Variants in CDH3 observed in about 807,000 individuals in gnomAD.
CDH3 encodes cadherin 3, also known as cadherin-3.
A neutral mutation model predicts 82.0 loss-of-function variants in CDH3; 54 were observed. The ratio of observed to expected loss-of-function variants is 0.66; its 90% CI spans 0.53 to 0.83. The LOEUF (loss-of-function observed/expected upper bound fraction) is 0.83. Among genes scored for constraint, CDH3 ranks in the 40% least tolerant of loss-of-function variants. CDH3 has a pLI of 0.00. For synonymous variants in CDH3, 446 were observed against 437.9 expected, an observed-to-expected ratio of 1.02 and a Z score of -0.23; for missense variants, 1,054 against 1,084.6, an observed-to-expected ratio of 0.97 and a Z score of 0.40.
At chr16:68,713,497 C>G (rs1427054978) in intron 1 of CDH3, among the ~76,000 whole-genome samples, 5 of 152,088 alleles carry the variant, frequency 3.3e-5, no homozygotes, top group African/African-American at 1.2e-4. Flanking sequence ...CCCACCTCCC[C>G]TGACCTAGGC....
chr16:68,698,350 A>G lies in CDH3; in HGVS notation c.2440A>G (p.Ser814Gly). 1 of 1,614,242 alleles carries G rather than the reference A, an allele frequency of 6.2e-7. No individual in the cohort carries two copies. Among genetic ancestry groups the G allele is most frequent in the South Asian group, 1.1e-5 (1 of 91,092 alleles). The change falls in exon 16 of 16, where the codon AGC becomes GGC. Residue 814 changes from serine (S) to glycine (G), a missense_variant. Coordinates refer to ENST00000264012, the MANE Select transcript of CDH3 (RefSeq NM_001793.6). ...QDYDYLNEWG[S>G]RFKKLADMYG... is the part of the protein sequence containing the mutation. ...TTACGATTATCTGAACGAGTGGGGCAGCCGCTTCAAGAAGCTGGCAGACAT... is the reference window on the plus strand; with the variant it reads ...TTACGATTATCTGAACGAGTGGGGCGGCCGCTTCAAGAAGCTGGCAGACAT...
intron 2 of CDH3, among the ~76,000 whole-genome samples, chr16:68,724,615 G>A (rs996153568): frequency 2.1e-4 from 26 of 124,384 alleles, no homozygotes; most frequent in Non-Finnish European, 1.6e-4. Flanking sequence ...CAACAGAGGC[G>A]AGACCCTATT....
intron 2 of CDH3, among the ~76,000 whole-genome samples, chr16:68,724,933 T>A (rs1294020537): frequency 6.6e-6 from 1 of 152,134 alleles, no homozygotes; most frequent in Non-Finnish European, 1.5e-5. Flanking sequence ...GAGGGTTGGT[T>A]GGGGAAGGGT....
downstream of CDH3, among the ~76,000 whole-genome samples, chr16:68,701,391 G>A (rs1961891234): frequency 6.6e-6 from 1 of 152,118 alleles, no homozygotes; most frequent in South Asian, 2.1e-4. Flanking sequence ...CATTTGCATT[G>A]GTAAGACACC....
Position 68,682,316 on chromosome 16 carries a change from G to C in CDH3, c.1011G>C (p.Val337=), listed in dbSNP as rs201726457. The part of the protein sequence containing the change: ...MFDPQKYEAH[V]PENAVGHEVQ... ...CACACTGACAGTACGAGGCCCATGT[G>C]CCTGAGAATGCAGTGGGCCATGAGG... Residue 337 remains valine (V), a synonymous_variant, in exon 9 of 16, where the codon GTG becomes GTC. Transcript: ENST00000264012. 6.9e-5 allele frequency: 111 copies of C among 1,613,842 alleles called. 1 individual carries two copies. In the Middle Eastern group the frequency reaches 2.5e-3, roughly 36 times the overall value.
chr16:68,707,961 G>A lies in CDH3; in HGVS notation c.99+12038G>A, dbSNP rs574704886. On this transcript the variant is annotated intron_variant, in intron 1 of 2. Transcript: ENST00000569080. This position sits in a 1 kb window ranked among gnomAD's most constrained non-coding sequence, Gnocchi z 4.5. ...GGCCAGCCCACAGCTGACAGGGCAG[G>A]GCGCTGAGACCTCTGTGTGTCCTCC... Among the ~76,000 whole-genome samples, 26 of 152,246 alleles carry A rather than the reference G, an allele frequency of 1.7e-4. 1 individual carries two copies. In the South Asian group the frequency reaches 4.6e-3, roughly 27 times the overall value.
chr16:68,706,941 G>T (rs930079826), intron 1 of CDH3, among the ~76,000 whole-genome samples: 2 of 152,158 alleles, frequency 1.3e-5, no homozygotes, highest in African/African-American at 4.8e-5. Flanking sequence ...TTTTCAATGA[G>T]AAACAGTCCA....
chr16:68,716,082 A>G (rs920328546), intron 1 of CDH3, among the ~76,000 whole-genome samples: 4 of 152,140 alleles, frequency 2.6e-5, no homozygotes, highest in Non-Finnish European at 5.9e-5. Context: ...CTGCTTGACC[A>G]ACATGGTGAA....
intron 11 of CDH3, chr16:68,686,554 G>A (rs958850119): frequency 2.5e-6 from 3 of 1,184,682 alleles, no homozygotes; most frequent in Non-Finnish European, 3.8e-6. Context: ...AGGGTGGAGG[G>A]ATTCAACCAG....
In CDH3 at chr16:68,678,413, A is replaced by G. The variant is rs368078226; in HGVS notation, c.391-88A>G. 4.2e-5 allele frequency: 67 copies of G among 1,584,270 alleles called. 2 individuals are homozygous for G. The African/African-American group carries it at 7.3e-4, about 17-fold the overall frequency. The stretch of plus-strand genomic sequence containing the variant: ...TCCTGTTCAGTGAGCAGATTCTCCT[A>G]TGGCAGTGCCCCTCTTCACAGAGGA... On this transcript the variant is annotated intron_variant, in intron 4 of 15. Coordinates refer to ENST00000264012, the MANE Select transcript of CDH3 (RefSeq NM_001793.6).
At chr16:68,661,233 A>G (rs565619603) in intron 2 of CDH3, among the ~76,000 whole-genome samples, 12 of 152,334 alleles carry the variant, frequency 7.9e-5, no homozygotes, top group Admixed American at 3.9e-4. Context: ...TGCATGAAAT[A>G]TATCTGTATT....
chr16:68,656,315 C>G (rs979464846), intron 2 of CDH3, among the ~76,000 whole-genome samples: 4 of 152,212 alleles, frequency 2.6e-5, no homozygotes, highest in Non-Finnish European at 5.9e-5. Flanking sequence ...CAACCCTTCT[C>G]AACTCCCCTC....
rs958988261 is a variant in CDH3, at chr16:68,698,232, C to T, written c.2322C>T (p.Tyr774=). The T allele has an allele frequency of 1.2e-6, 2 of 1,614,126 alleles. No individual in the cohort carries two copies. Among genetic ancestry groups the T allele is most frequent in the African/African-American group, 1.3e-5 (1 of 74,944 alleles). ...ACACAGACCCCACAGCCCCGCCCTACGACACCCTCTTGGTGTTCGACTATG... is the reference window on the plus strand; with the variant it reads ...ACACAGACCCCACAGCCCCGCCCTATGACACCCTCTTGGTGTTCGACTATG... ...AANTDPTAPP[Y]DTLLVFDYEG... The change falls in exon 16 of 16, where the codon TAC becomes TAT. Residue 774 remains tyrosine (Y), a synonymous_variant. Transcript: ENST00000264012.
chr16:68,728,600 A>G (rs552645963), downstream of CDH3, among the ~76,000 whole-genome samples: 11 of 152,280 alleles, frequency 7.2e-5, no homozygotes, highest in Non-Finnish European at 1.0e-4. Context: ...CCAGCCCCTT[A>G]TGAGCTTCTT....
In CDH3 at chr16:68,658,108, C is replaced by T. The variant is rs529982084; in HGVS notation, c.160+12358C>T. On this transcript the variant is annotated intron_variant, in intron 2 of 15. Transcript: ENST00000264012. ...AGAGACAGGGTCTCACTATGTTGCC[C>T]AGGCTGGTCTTGAACTCCTGGCCTC... Among the ~76,000 whole-genome samples, 54 of 148,244 alleles carry T rather than the reference C, an allele frequency of 3.6e-4. No individual in the cohort carries two copies. The South Asian group carries it at 8.8e-3, about 24-fold the overall frequency.
chr16:68,663,432 C>T (rs1960649412), intron 2 of CDH3, among the ~76,000 whole-genome samples: 1 of 151,590 alleles, frequency 6.6e-6, no homozygotes, highest in Admixed American at 6.6e-5. Flanking sequence ...GACGGTGTTT[C>T]ACCACGTTAG....
chr16:68,732,776 A>G, the CDH3 span, among the ~76,000 whole-genome samples: 1 of 152,302 alleles, frequency 6.6e-6, no homozygotes, highest in African/African-American at 2.4e-5. Flanking sequence ...CCATCCACAG[A>G]CACCAGGTTA....
intron 1 of CDH3, among the ~76,000 whole-genome samples, chr16:68,708,063 C>T (rs1215847492): frequency 6.6e-6 from 1 of 152,084 alleles, no homozygotes; most frequent in Non-Finnish European, 1.5e-5. Context: ...CGCAGTGACT[C>T]AAGACTGTAA....
intron 1 of CDH3, among the ~76,000 whole-genome samples, chr16:68,720,821 TG>T (rs906837797): frequency 6.6e-6 from 1 of 152,040 alleles, no homozygotes; most frequent in African/African-American, 2.4e-5. Context: ...GGTTTTACCA[TG>T]TTAGCCAGGC....
Sources: allele counts gnomAD v4.1 joint callset (sites outside exome capture counted in the v4.1 genomes callset), GRCh38; gene constraint gnomAD v4.1.1; non-coding constraint Gnocchi (gnomAD v3.1); transcripts MANE v1.5; gene names NCBI Gene and HGNC (gene_info 2026-07-23, HGNC 2026-07-21).